The following HRH2 variants were observed in gnomAD, a reference collection of about 807,000 sequenced individuals.
HRH2 encodes the protein histamine H2 receptor.
Under a neutral mutation model 20.1 loss-of-function variants are expected in HRH2, and 4 were observed. That is an observed-to-expected ratio of 0.20 (90% CI 0.10 to 0.45). HRH2 has a LOEUF of 0.45. Ranked by LOEUF, HRH2 falls within the 20% of genes least tolerant of loss-of-function variation. The probability of loss-of-function intolerance (pLI) is 0.99; values close to 1 mark genes in which losing one functional copy is unlikely to be tolerated. For synonymous variants in HRH2, 197 were observed against 200.7 expected (o/e 0.98, Z 0.16); for missense variants, 250 against 461.6 (o/e 0.54, Z 4.20).
At chr5:175,667,167 G>T (rs1474237705) in intron 1 of HRH2, among the ~76,000 whole-genome samples, 1 of 152,108 alleles carries the variant, frequency 6.6e-6, no homozygotes, top group Non-Finnish European at 1.5e-5. Flanking sequence ...GTGCTGGCTG[G>T]GTGCGGTGGC....
At chr5:175,702,181 A>T (rs1158596108) in intron 2 of HRH2, among the ~76,000 whole-genome samples, 1 of 152,196 alleles carries the variant, frequency 6.6e-6, no homozygotes, top group Non-Finnish European at 1.5e-5. Flanking sequence ...AATCACTTAA[A>T]ATACAGAAGG....
chr5:175,683,397 G>C lies in HRH2; in HGVS notation c.164G>C (p.Cys55Ser). ...LNRRLRNLTN[C>S]FIVSLAITDL... ...CGCCGGCTCCGCAACCTGACCAATT[G>C]TTTCATCGTGTCCTTGGCTATCACT... Residue 55 changes from cysteine to serine, a missense_variant, in exon 2 of 3, where the codon TGT becomes TCT. By Grantham distance (112) the Cys-to-Ser change is moderately radical (BLOSUM62 -1). Coordinates refer to ENST00000636584, the MANE Select transcript of HRH2 (RefSeq NM_001367711.1). The C allele has an allele frequency of 1.2e-6, 2 of 1,614,198 alleles. No individual in the cohort carries two copies. Among genetic ancestry groups the C allele is most frequent in the Non-Finnish European group, 1.7e-6 (2 of 1,180,044 alleles).
intron 2 of HRH2, among the ~76,000 whole-genome samples, chr5:175,684,540 C>T (rs964231831): frequency 3.9e-5 from 6 of 152,250 alleles, no homozygotes; most frequent in African/African-American, 1.2e-4. Flanking sequence ...TGGCAAGGGC[C>T]GCACAGCTGG....
At chr5:175,658,737 A>G (rs1762646682) in intron 1 of HRH2, among the ~76,000 whole-genome samples, 1 of 152,178 alleles carries the variant, frequency 6.6e-6, no homozygotes, top group South Asian at 2.1e-4. Flanking sequence ...CGGAGCCACA[A>G]CAGGCAGCGC....
chr5:175,701,553 T>A (rs1395817316), intron 2 of HRH2, among the ~76,000 whole-genome samples: 1 of 152,176 alleles, frequency 6.6e-6, no homozygotes, highest in Non-Finnish European at 1.5e-5. Context: ...TATCTTAACA[T>A]CTTTGCAGAC....
intron 1 of HRH2, among the ~76,000 whole-genome samples, chr5:175,662,687 A>G (rs556596695): frequency 4.6e-5 from 7 of 152,300 alleles, no homozygotes; most frequent in African/African-American, 1.7e-4. Context: ...TTCATATACT[A>G]TAAAAGTCAC....
At chr5:175,705,483 C>T (rs893105426) in intron 2 of HRH2, among the ~76,000 whole-genome samples, 8 of 152,102 alleles carry the variant, frequency 5.3e-5, no homozygotes, top group Non-Finnish European at 1.0e-4. Context: ...CAATGAAATA[C>T]CTTTTTTTAA....
At chr5:175,669,624 G>A (rs144147360) in intron 1 of HRH2, among the ~76,000 whole-genome samples, 6,503 of 152,154 alleles carry the variant, frequency 0.043, 182 homozygotes, top group Non-Finnish European at 0.066. Flanking sequence ...TCGGCCTCCC[G>A]AAGTGCTGGG....
chr5:175,689,709 G>C (rs534680984), intron 2 of HRH2, among the ~76,000 whole-genome samples: 1 of 152,208 alleles, frequency 6.6e-6, no homozygotes, highest in Non-Finnish European at 1.5e-5. Flanking sequence ...TACCAGCTCT[G>C]AATCATAGAA....
At chr5:175,659,462 G>A (rs990133795) in intron 1 of HRH2, among the ~76,000 whole-genome samples, 5 of 152,112 alleles carry the variant, frequency 3.3e-5, no homozygotes, top group African/African-American at 1.2e-4. Context: ...CTTATCTCGA[G>A]AACCTGCTCC....
chr5:175,683,434 C>T lies in HRH2; in HGVS notation c.201C>T (p.Leu67=), dbSNP rs149131528. Residue 67 remains leucine (L), a synonymous_variant, in exon 2 of 3, where the codon CTC becomes CTT. Coordinates refer to ENST00000636584, the MANE Select transcript of HRH2 (RefSeq NM_001367711.1). ...CCTTGGCTATCACTGACCTGCTCCTCGGCCTCCTGGTGCTGCCCTTCTCTG... is the reference window on the plus strand; with the variant it reads ...CCTTGGCTATCACTGACCTGCTCCTTGGCCTCCTGGTGCTGCCCTTCTCTG... ...IVSLAITDLL[L]GLLVLPFSAI... 6.8e-5 allele frequency: 109 copies of T among 1,614,214 alleles called. 1 individual carries two copies. In the Admixed American group the frequency reaches 1.3e-3, roughly 19 times the overall value.
rs752318275 is a variant in HRH2 at position 175,683,487 on chromosome 5, G to A, written c.254G>A (p.Ser85Asn). The A allele has an allele frequency of 6.2e-7, 1 of 1,613,832 alleles. No homozygotes were observed. Among genetic ancestry groups the A allele is most frequent in the South Asian group, 1.1e-5 (1 of 91,062 alleles). The change falls in exon 2 of 3, where the codon AGC becomes AAC. Residue 85 changes from serine (S) to asparagine (N), a missense_variant. Ser to Asn is a conservative substitution (Grantham distance 46). Coordinates refer to ENST00000636584, the MANE Select transcript of HRH2 (RefSeq NM_001367711.1). The part of the protein sequence containing the change: ...SAIYQLSCKW[S>N]FGKVFCNIYT... Reference sequence around the variant, plus strand: ...ATCTACCAGCTGTCCTGCAAGTGGAGCTTTGGCAAGGTCTTCTGCAATATC... The same window carrying A: ...ATCTACCAGCTGTCCTGCAAGTGGAACTTTGGCAAGGTCTTCTGCAATATC...
chr5:175,684,127 G>A lies in HRH2; in HGVS notation c.894G>A (p.Gly298=), dbSNP rs771031564. Residue 298 remains glycine (G), a synonymous_variant, in exon 2 of 3, where the codon GGG becomes GGA. Transcript: ENST00000636584. ...YAALNRDFRT[G]YQQLFCCRLA... ...CGCTGAACAGAGACTTCCGCACCGGGTACCAACAGCTCTTCTGCTGCAGGC... is the reference window on the plus strand; with the variant it reads ...CGCTGAACAGAGACTTCCGCACCGGATACCAACAGCTCTTCTGCTGCAGGC... The A allele has an allele frequency of 1.9e-6, 3 of 1,614,028 alleles. No individual in the cohort carries two copies. The highest frequency in any genetic ancestry group is 1.3e-5 in the African/African-American group (1 of 74,876).
chr5:175,669,364 CTT>C (rs33964139), intron 1 of HRH2, among the ~76,000 whole-genome samples: 1,652 of 133,018 alleles, frequency 0.012, 28 homozygotes, highest in African/African-American at 0.046. Flanking sequence ...TTCTTTCTTT[CTT>C]TTTTTTTTTT....
In HRH2 at chr5:175,684,010, G is replaced by A; in HGVS notation, c.777G>A (p.Leu259=). ...PYFTAFVYRG[L]RGDDAINEVL... is the part of the protein sequence containing the mutation. ...TCACCGCGTTTGTGTACCGTGGGCT[G>A]AGAGGGGATGATGCCATCAATGAGG... is the stretch of plus-strand genomic sequence containing the variant. The change falls in exon 2 of 3, where the codon CTG becomes CTA. Residue 259 remains leucine, a synonymous_variant. Transcript: ENST00000636584. The A allele has an allele frequency of 6.2e-7, 1 of 1,614,192 alleles. No homozygotes were observed. The highest frequency in any genetic ancestry group is 1.3e-5 in the African/African-American group (1 of 75,048).
intron 1 of HRH2, among the ~76,000 whole-genome samples, chr5:175,680,610 C>A (rs1008554214): frequency 3.9e-5 from 6 of 152,322 alleles, no homozygotes; most frequent in South Asian, 2.1e-4. Context: ...TGACATGATT[C>A]TTCCTCACAG....
chr5:175,678,076 C>T (rs1398264551), intron 1 of HRH2, among the ~76,000 whole-genome samples: 1 of 152,206 alleles, frequency 6.6e-6, no homozygotes, highest in Non-Finnish European at 1.5e-5. Context: ...GTACCTACAC[C>T]GTGATACATT....
intron 1 of HRH2, among the ~76,000 whole-genome samples, chr5:175,671,888 A>G (rs1269002094): frequency 6.6e-6 from 1 of 152,056 alleles, no homozygotes; most frequent in East Asian, 1.9e-4. Context: ...TCATTGGCAA[A>G]CACTTTGTAA....
chr5:175,703,099 G>A (rs1756841009), intron 2 of HRH2, among the ~76,000 whole-genome samples: 1 of 152,102 alleles, frequency 6.6e-6, no homozygotes, highest in African/African-American at 2.4e-5. Context: ...ATTAATATTT[G>A]GGAAACACAA....
Sources: allele counts gnomAD v4.1 joint callset (sites outside exome capture counted in the v4.1 genomes callset), GRCh38; gene constraint gnomAD v4.1.1; transcripts MANE v1.5; gene names NCBI Gene and HGNC (gene_info 2026-07-23, HGNC 2026-07-21).